Variants in CHL1 observed in about 807,000 individuals in gnomAD.
CHL1 encodes neural cell adhesion molecule L1-like protein.
A neutral mutation model predicts 141.9 loss-of-function variants in CHL1; 96 were observed. The ratio of observed to expected loss-of-function variants is 0.68; its 90% confidence interval spans 0.57 to 0.80. CHL1 has a LOEUF of 0.80. CHL1 is among the 30% of genes least tolerant of loss of function. CHL1 has a pLI of 0.00. For synonymous variants in CHL1, 613 were observed against 502.2 expected (o/e 1.22, Z -2.95); for missense variants, 1,820 against 1,457.2 (o/e 1.25, Z -4.05).
At chr3:375,311 G>A (rs1706179328) in intron 15 of CHL1, among the ~76,000 whole-genome samples, 1 of 152,010 alleles carries the variant, frequency 6.6e-6, no homozygotes, top group African/African-American at 2.4e-5. Context: ...CTAGTCCTGT[G>A]GGAGAGACCA....
intron 19 of CHL1, among the ~76,000 whole-genome samples, chr3:386,962 C>T (rs1246827840): frequency 6.7e-6 from 1 of 149,618 alleles, no homozygotes; most frequent in African/African-American, 2.4e-5. Flanking sequence ...TTTAGCCACT[C>T]CACAATGTAT....
intron 1 of CHL1, among the ~76,000 whole-genome samples, chr3:243,074 T>C (rs773885099): frequency 1.3e-5 from 2 of 152,156 alleles, no homozygotes; most frequent in African/African-American, 2.4e-5. Context: ...ACCATGGCTG[T>C]AGGAGATCCT....
At chr3:233,239 C>G (rs1158620991) in intron 1 of CHL1, among the ~76,000 whole-genome samples, 1 of 152,094 alleles carries the variant, frequency 6.6e-6, no homozygotes, top group Non-Finnish European at 1.5e-5. Flanking sequence ...TCAGCCTCGT[C>G]TCTTTTTATT....
In CHL1 at chr3:263,163, G is replaced by A. The variant is rs550776205; in HGVS notation, c.-95+18471G>A. Reference sequence around the variant, plus strand: ...GATGTGCCAGCACTGAAGCTCCATCGCAGGCAAGGCCGACTCATTGACCCC... The same window carrying A: ...GATGTGCCAGCACTGAAGCTCCATCACAGGCAAGGCCGACTCATTGACCCC... On this transcript the variant is annotated intron_variant, in intron 2 of 27. Transcript: ENST00000256509. 2.0e-3 allele frequency among the ~76,000 whole-genome samples: 299 copies of A among 152,190 alleles called. 1 individual carries two copies. Among genetic ancestry groups the A allele is most frequent in the African/African-American group, 6.6e-3 (273 of 41,526 alleles).
At chr3:296,352 C>T (rs1574988938) in intron 2 of CHL1, among the ~76,000 whole-genome samples, 1 of 152,114 alleles carries the variant, frequency 6.6e-6, no homozygotes, top group South Asian at 2.1e-4. Context: ...TTTTATATAC[C>T]AAAATTCTGT....
intron 2 of CHL1, among the ~76,000 whole-genome samples, chr3:246,047 T>C (rs926098231): frequency 5.3e-5 from 8 of 152,174 alleles, no homozygotes; most frequent in Non-Finnish European, 1.2e-4. Flanking sequence ...AAAACCTGAT[T>C]AATCAATTCC....
chr3:214,655 G>T (rs540115657), intron 1 of CHL1, among the ~76,000 whole-genome samples: 9 of 152,246 alleles, frequency 5.9e-5, no homozygotes, highest in African/African-American at 1.9e-4. Flanking sequence ...GTATTAATTA[G>T]TAGTAGATGT....
chr3:283,528 A>G (rs2125306054), intron 2 of CHL1, among the ~76,000 whole-genome samples: 1 of 152,214 alleles, frequency 6.6e-6, no homozygotes, highest in East Asian at 1.9e-4. Context: ...CTGTCTGTCT[A>G]TCTGTCTCTA....
chr3:269,773 G>T (rs1695475793), intron 2 of CHL1, among the ~76,000 whole-genome samples: 1 of 152,172 alleles, frequency 6.6e-6, no homozygotes, highest in South Asian at 2.1e-4. Context: ...TGATCCATCT[G>T]CCCTGGCCTC....
chr3:308,769 T>C (rs1437246269), intron 2 of CHL1: 17 of 155,040 alleles, frequency 1.1e-4, no homozygotes. Context: ...TTCCTTGCAC[T>C]CTAGCACGTG....
At chr3:326,386 A>G (rs1701016655) in intron 4 of CHL1, among the ~76,000 whole-genome samples, 1 of 152,046 alleles carries the variant, frequency 6.6e-6, no homozygotes, top group African/African-American at 2.4e-5. Flanking sequence ...CCTTTATTCT[A>G]CTTAGTAAAA....
chr3:377,765 C>G, intron 15 of CHL1, 53 bp from the exon 16 acceptor site: 1 of 1,470,566 alleles, frequency 6.8e-7, no homozygotes, highest in Non-Finnish European at 9.3e-7. Flanking sequence ...AATTGGGTTT[C>G]TATCATTTCT....
intron 19 of CHL1, 84 bp from the exon 20 acceptor site, chr3:389,168 C>A: frequency 5.9e-6 from 6 of 1,023,648 alleles, no homozygotes; most frequent in Non-Finnish European, 8.8e-6. Context: ...TACATTGTTC[C>A]TTATTCCACT....
At position 408,350 on chromosome 3, in the gene CHL1, A is replaced by G. The variant is rs2106452969; in HGVS notation, c.*2639A>G. 1 of 152,202 alleles carries G rather than the reference A, an allele frequency of 6.6e-6. No homozygotes were observed. Among genetic ancestry groups the G allele is most frequent in the South Asian group, 2.1e-4 (1 of 4,822 alleles). The allele number at this position is 152,202 out of a possible 1,614,324, so 9.4% of individuals were successfully genotyped here. ...ATGGTTGGTGGGCATGAGTTCCTAGAGAACTGTCCAAGGGTTGGGAAAATC... is the reference window on the plus strand; with the variant it reads ...ATGGTTGGTGGGCATGAGTTCCTAGGGAACTGTCCAAGGGTTGGGAAAATC... On this transcript the variant is annotated 3_prime_UTR_variant, in exon 28 of 28. Transcript: ENST00000256509.
At chr3:289,627 A>AT (rs1216173859) in intron 2 of CHL1, among the ~76,000 whole-genome samples, 1 of 152,136 alleles carries the variant, frequency 6.6e-6, no homozygotes, top group Non-Finnish European at 1.5e-5. Flanking sequence ...CTATCAATAC[A>AT]TAATCTTATT....
intron 2 of CHL1, among the ~76,000 whole-genome samples, chr3:258,057 C>T (rs1694345998): frequency 6.6e-6 from 1 of 152,136 alleles, no homozygotes; most frequent in African/African-American, 2.4e-5. Context: ...CGCAGGAAGG[C>T]TGAAAGAGGA....
At chr3:216,000 T>C (rs1360734012) in intron 1 of CHL1, among the ~76,000 whole-genome samples, 3 of 152,162 alleles carry the variant, frequency 2.0e-5, no homozygotes, top group African/African-American at 7.2e-5. Flanking sequence ...CCATTGGAAA[T>C]TGGCATAATG....
In CHL1 at chr3:330,536, G is replaced by T. The variant is rs180927830; in HGVS notation, c.385+2182G>T. ...TTCAACAATGTGGTATGTAATCTTT[G>T]TAGTGAAAGTATCCATATTTATTAA... On this transcript the variant is annotated intron_variant, in intron 5 of 27. Transcript: ENST00000256509. Among the ~76,000 whole-genome samples, 58 of 152,150 alleles carry T rather than the reference G, an allele frequency of 3.8e-4. No homozygotes were observed. In the South Asian group the frequency reaches 8.7e-3, roughly 23 times the overall value.
At chr3:368,118 T>A (rs956798692) in intron 15 of CHL1, among the ~76,000 whole-genome samples, 1 of 152,216 alleles carries the variant, frequency 6.6e-6, no homozygotes, top group African/African-American at 2.4e-5. Flanking sequence ...TACCAAGTAA[T>A]GTGATTGCTG....
Sources: allele counts gnomAD v4.1 joint callset (sites outside exome capture counted in the v4.1 genomes callset), GRCh38; gene constraint gnomAD v4.1.1; transcripts MANE v1.5; gene names NCBI Gene and HGNC (gene_info 2026-07-23, HGNC 2026-07-21).